IFI44L: variants seen among roughly 807,000 people sequenced by gnomAD.
IFI44L encodes interferon induced protein 44 like, also known as interferon-induced protein 44-like.
Under a neutral mutation model 39.3 loss-of-function variants are expected in IFI44L, and 40 were observed. That is an observed-to-expected ratio of 1.02 (90% CI 0.79 to 1.33). The LOEUF is 1.33. Among genes scored for constraint, IFI44L ranks in the 40% most tolerant of loss-of-function variants. The probability of loss-of-function intolerance (pLI) is 0.00; values close to 1 mark genes in which losing one functional copy is unlikely to be tolerated. For synonymous variants in IFI44L, 198 were observed against 182.3 expected (o/e 1.09, Z -0.69); for missense variants, 623 against 549.0 (o/e 1.13, Z -1.35).
chr1:78,639,454 C>G (rs1653075104), intron 6 of IFI44L, among the ~76,000 whole-genome samples: 1 of 151,962 alleles, frequency 6.6e-6, no homozygotes, highest in South Asian at 2.1e-4. Context: ...CTAGATGAAA[C>G]TAGTCAACAG....
At position 78,629,905 on chromosome 1, in the gene IFI44L, T is replaced by A. The variant is rs778932528; in HGVS notation, c.713T>A (p.Ile238Lys). The A allele has an allele frequency of 6.2e-7, 1 of 1,612,408 alleles. No individual in the cohort carries two copies. The highest frequency in any genetic ancestry group is 1.7e-5 in the Admixed American group (1 of 59,848). ...QAVVGSDITSITERYRIYSVK... is the reference protein window; with the variant it reads ...QAVVGSDITSKTERYRIYSVK... ...GTAGTGGGGTCTGATATCACCAGCA[T>A]AACCGAGCGGGTAAGTTATTTCCCT... Residue 238 changes from isoleucine to lysine, a missense_variant, in exon 4 of 9, where the codon ATA becomes AAA. Physicochemically the swap from Ile to Lys is moderately radical, Grantham distance 102. Transcript: ENST00000370751.
intron 4 of IFI44L, among the ~76,000 whole-genome samples, chr1:78,634,816 G>A (rs916034759): frequency 2.0e-5 from 3 of 151,662 alleles, no homozygotes; most frequent in Non-Finnish European, 4.4e-5. Context: ...GTGGGGAGGA[G>A]TGGAGTAAAA....
In IFI44L at chr1:78,641,445, T is replaced by C. The variant is rs2100398316; in HGVS notation, c.1160T>C (p.Val387Ala). ...SMTSQSRVMNVHKMLGIPISN... is the reference protein window; with the variant it reads ...SMTSQSRVMNAHKMLGIPISN... ...ATATACTTTCCACAGGTCATGAATG[T>C]CCATAAAATGCTAGGCATTCCTATT... Residue 387 changes from valine to alanine, a missense_variant, in exon 8 of 9, where the codon GTC (valine) becomes GCC (alanine). Val to Ala is a moderately conservative substitution (Grantham distance 64). Transcript: ENST00000370751. 6.2e-7 allele frequency: 1 copy of C among 1,613,196 alleles called. No homozygotes were observed.
In IFI44L at chr1:78,635,409, C is replaced by A; in HGVS notation, c.796C>A (p.Leu266Ile). ...LPFMLCDTMG[L>I]DGAEGAGLCM... ...ATTTATGTTGTGTGACACTATGGGG[C>A]TAGATGGGGCAGAAGGAGCAGGACT... is the stretch of plus-strand genomic sequence containing the variant. The change falls in exon 5 of 9, where the codon CTA (leucine) becomes ATA (isoleucine). Residue 266 changes from leucine (L) to isoleucine (I), a missense_variant. Leu to Ile is a conservative substitution (Grantham distance 5). Coordinates refer to ENST00000370751, the MANE Select transcript of IFI44L (RefSeq NM_006820.4). 6.2e-7 allele frequency: 1 copy of A among 1,613,044 alleles called. No individual in the cohort carries two copies. The highest frequency in any genetic ancestry group is 8.5e-7 in the Non-Finnish European group (1 of 1,179,252).
At chr1:78,633,190 T>A (rs1280254650) in intron 4 of IFI44L, among the ~76,000 whole-genome samples, 1 of 152,180 alleles carries the variant, frequency 6.6e-6, no homozygotes, top group Non-Finnish European at 1.5e-5. Flanking sequence ...TGGAGAGAAC[T>A]GTCATCTGCT....
chr1:78,637,354 G>A (rs1652988028), intron 6 of IFI44L, 151 bp downstream of exon 6: 1 of 602,154 alleles, frequency 1.7e-6, no homozygotes, highest in African/African-American at 2.0e-5. Flanking sequence ...TCACAGGCAT[G>A]ACTGAAGAAA....
At position 78,628,975 on chromosome 1, in the gene IFI44L, TA is replaced by T; in HGVS notation, c.506del (p.Lys169ArgfsTer3). 1 of 1,580,400 alleles carries T rather than the reference TA, an allele frequency of 6.3e-7. No individual in the cohort carries two copies. Among genetic ancestry groups the T allele is most frequent in the Non-Finnish European group, 8.7e-7 (1 of 1,149,966 alleles). On this transcript the variant is annotated frameshift_variant, in exon 3 of 9. Transcript: ENST00000370751. LOFTEE classifies it high-confidence loss of function. ...GGAATTAAGGATAACCTAGACGACA[TA>T]AAGAGGATAATTAAAGCCAGAGAGT... ...VEGIKDNLDD[I>X]KRIIKAREHR...
Position 78,641,627 on chromosome 1 carries a change from T to TC in IFI44L, c.1324+23dup, listed in dbSNP as rs931052645. 2.5e-6 allele frequency: 4 copies of TC among 1,612,350 alleles called. No homozygotes were observed. In the Admixed American group the frequency reaches 6.7e-5, roughly 27 times the overall value. On this transcript the variant is annotated intron_variant, in intron 8 of 8. Transcript: ENST00000370751. ...GGAAACTGGTAATCTGGCCCTTTTCTCCCCCTGTCATAGATCACTGGTGCC... is the reference window on the plus strand; with the variant it reads ...GGAAACTGGTAATCTGGCCCTTTTCTCCCCCCTGTCATAGATCACTGGTGCC...
At chr1:78,635,105 T>A in intron 4 of IFI44L, among the ~76,000 whole-genome samples, 1 of 151,440 alleles carries the variant, frequency 6.6e-6, no homozygotes, top group East Asian at 1.9e-4. Flanking sequence ...AAGGAATATT[T>A]ACATTTTTTT....
At position 78,637,145 on chromosome 1, in the gene IFI44L, T is replaced by A. The variant is rs775232968; in HGVS notation, c.990T>A (p.Asn330Lys). The stretch of plus-strand genomic sequence containing the variant: ...TCTTAGACATCAACTCTATTGACAA[T>A]CTCTACTCTAAAATGTTGGCAAAAG... Reference protein sequence around the residue: ...AYVLDINSIDNLYSKMLAKVK... With the variant: ...AYVLDINSIDKLYSKMLAKVK... Residue 330 changes from asparagine to lysine, a missense_variant, in exon 6 of 9, where the codon AAT (asparagine) becomes AAA (lysine). Coordinates refer to ENST00000370751, the MANE Select transcript of IFI44L (RefSeq NM_006820.4). The A allele has an allele frequency of 6.2e-6, 10 of 1,610,234 alleles. No homozygotes were observed. In the Admixed American group the frequency reaches 1.7e-4, roughly 27 times the overall value.
intron 2 of IFI44L, 161 bp from the exon 3 acceptor site, chr1:78,628,790 T>C: frequency 3.4e-6 from 2 of 595,826 alleles, no homozygotes; most frequent in Non-Finnish European, 6.1e-6. Context: ...AGAGGATAAT[T>C]TTTCCTCCTC....
rs886376439 is a variant in IFI44L, at chr1:78,644,863, C to T, written c.*3054C>T. 6.6e-6 allele frequency: 1 copy of T among 152,076 alleles called. No homozygotes were observed. Among genetic ancestry groups the T allele is most frequent in the African/African-American group, 2.4e-5 (1 of 41,390 alleles). 9.4% of individuals were successfully genotyped at this position (152,076 alleles called of 1,614,324 possible). Reference sequence around the variant, plus strand: ...AGAGCCTCTGTGGTGTGAATGGGCACGTTAGGTTGTTGCATTAGAAAGTGA... The same window carrying T: ...AGAGCCTCTGTGGTGTGAATGGGCATGTTAGGTTGTTGCATTAGAAAGTGA... On this transcript the variant is annotated 3_prime_UTR_variant, in exon 9 of 9. Transcript: ENST00000370751.
rs1271619608 is a variant in IFI44L, at chr1:78,644,906, T to C, written c.*3097T>C. 1.3e-5 allele frequency: 2 copies of C among 152,114 alleles called. No individual in the cohort carries two copies. Among genetic ancestry groups the C allele is most frequent in the African/African-American group, 4.8e-5 (2 of 41,418 alleles). 9.4% of individuals were successfully genotyped at this position (152,114 alleles called of 1,614,324 possible). On this transcript the variant is annotated 3_prime_UTR_variant, in exon 9 of 9. Transcript: ENST00000370751. The stretch of plus-strand genomic sequence containing the variant: ...GAAAGTGACTGTTTCTGACAGAAAT[T>C]TGTAGCTTTGTGCAAACTCACCCAC...
At chr1:78,640,763 A>G (rs1001838171) in intron 6 of IFI44L, among the ~76,000 whole-genome samples, 1 of 152,050 alleles carries the variant, frequency 6.6e-6, no homozygotes, top group Admixed American at 6.6e-5. Context: ...AAAACAAACC[A>G]TTTGAATGGA....
rs536264742 is a variant in IFI44L, at chr1:78,633,206, G to A, written c.724-2131G>A. The stretch of plus-strand genomic sequence containing the variant: ...GGAGAGAACTGTCATCTGCTTTGGG[G>A]AAAAGAGGGAAGTGAGCACAGGACT... On this transcript the variant is annotated intron_variant, in intron 4 of 8. Coordinates refer to ENST00000370751, the MANE Select transcript of IFI44L (RefSeq NM_006820.4). 3.0e-4 allele frequency among the ~76,000 whole-genome samples: 46 copies of A among 152,260 alleles called. No individual in the cohort carries two copies. The South Asian group carries it at 8.1e-3, about 27-fold the overall frequency.
chr1:78,641,507 T>A lies in IFI44L; in HGVS notation c.1222T>A (p.Leu408Met). 6.2e-7 allele frequency: 1 copy of A among 1,613,706 alleles called. No individual in the cohort carries two copies. Among genetic ancestry groups the A allele is most frequent in the Non-Finnish European group, 8.5e-7 (1 of 1,179,706 alleles). Residue 408 changes from leucine (L) to methionine (M), a missense_variant, in exon 8 of 9, where the codon TTG becomes ATG. By Grantham distance (15) the Leu-to-Met change is conservative. Transcript: ENST00000370751. ...GATGGTTGGAAATTATGCTTCAGAT[T>A]TGGAACTGGACCCCATGAAGGATAT... ...ILMVGNYASD[L>M]ELDPMKDILI...
chr1:78,632,178 T>A (rs1466525068), intron 4 of IFI44L, among the ~76,000 whole-genome samples: 1 of 152,178 alleles, frequency 6.6e-6, no homozygotes, highest in African/African-American at 2.4e-5. Flanking sequence ...ACTTACTCAT[T>A]CATACTTGGA....
intron 1 of IFI44L, among the ~76,000 whole-genome samples, chr1:78,621,346 A>C (rs558448457): frequency 6.6e-6 from 1 of 152,282 alleles, no homozygotes; most frequent in East Asian, 1.9e-4. Flanking sequence ...ATGTCGGCTC[A>C]CTGCAACCTC....
intron 1 of IFI44L, among the ~76,000 whole-genome samples, chr1:78,623,331 A>T (rs1195843904): frequency 6.7e-6 from 1 of 149,718 alleles, no homozygotes; most frequent in Non-Finnish European, 1.5e-5. Flanking sequence ...TTAACTATGA[A>T]CTTTTTATAC....
Sources: allele counts gnomAD v4.1 joint callset (sites outside exome capture counted in the v4.1 genomes callset), GRCh38; gene constraint gnomAD v4.1.1; transcripts MANE v1.5; gene names NCBI Gene and HGNC (gene_info 2026-07-23, HGNC 2026-07-21).